BCAR3: variants seen among roughly 807,000 people sequenced by gnomAD.
BCAR3 encodes the protein BCAR3 adaptor protein, NSP family member.
Under a neutral mutation model 80.1 loss-of-function variants are expected in BCAR3, and 37 were observed. That is an observed-to-expected ratio of 0.46 (90% CI 0.36 to 0.61). BCAR3 has a LOEUF of 0.61. BCAR3 is among the 20% of genes least tolerant of loss of function. BCAR3 has a pLI of 0.00. For missense variants in BCAR3, 978 were observed against 1,068.2 expected (o/e 0.92, Z 1.18); for synonymous variants, 389 against 418.9 (o/e 0.93, Z 0.87).
rs1437142951 is a variant in BCAR3, at chr1:93,582,579, T to G, written c.1408A>C (p.Asn470His). The G allele has an allele frequency of 6.2e-7, 1 of 1,613,554 alleles. No individual in the cohort carries two copies. The highest frequency in any genetic ancestry group is 1.7e-5 in the Admixed American group (1 of 59,906). The change falls in exon 7 of 12, where the codon AAC becomes CAC. Residue 470 changes from asparagine (N) to histidine (H), a missense_variant. Physicochemically the swap from Asn to His is moderately conservative, Grantham distance 68 (BLOSUM62 1). Coordinates refer to ENST00000260502, the MANE Select transcript of BCAR3 (RefSeq NM_003567.4). ...AGGATCAAGTAGTTGACGCCAGAGT[T>G]CCGGGGACCTGGCGCCTCATTCTGC... is the stretch of plus-strand genomic sequence containing the variant. Reference protein sequence around the residue: ...AKQNEAPGPRNSGVNYLILDD... With the variant: ...AKQNEAPGPRHSGVNYLILDD...
chr1:93,696,854 C>G lies in BCAR3; in HGVS notation c.-12+9238G>C, dbSNP rs1470702090. ...CTTTTGGCTCTGGGTTGGCACTTCT[C>G]AAGCGTGTTCCTGTGTTACTTTCCA... On this transcript the variant is annotated intron_variant, in intron 3 of 13. Transcript: ENST00000370244. Among the ~76,000 whole-genome samples the G allele has an allele frequency of 2.0e-5, 3 of 152,276 alleles. No individual in the cohort carries two copies. In the East Asian group the frequency reaches 5.8e-4, roughly 29 times the overall value.
intron 2 of BCAR3, among the ~76,000 whole-genome samples, chr1:93,822,918 A>C (rs1245414253): frequency 4.4e-5 from 4 of 90,330 alleles, no homozygotes; most frequent in Non-Finnish European, 1.1e-4. Context: ...TCTCAGAGGC[A>C]ACCATGGAAA....
chr1:93,749,886 C>CTTTTTTTTTTTT (rs754541949), intron 2 of BCAR3, among the ~76,000 whole-genome samples: 2 of 140,400 alleles, frequency 1.4e-5, no homozygotes, highest in African/African-American at 2.7e-5. Context: ...ATGATCTTGA[C>CTTTTTTTTTTTT]TTATTTTTTT....
chr1:93,727,228 C>T (rs1373943944), intron 2 of BCAR3, among the ~76,000 whole-genome samples: 1 of 152,160 alleles, frequency 6.6e-6, no homozygotes, highest in Admixed American at 6.5e-5. Flanking sequence ...CCAGATGATG[C>T]ATTAATTTGG....
chr1:93,601,789 G>A (rs1231942384), intron 3 of BCAR3, among the ~76,000 whole-genome samples: 1 of 152,200 alleles, frequency 6.6e-6, no homozygotes, highest in East Asian at 1.9e-4. Flanking sequence ...ATAAAAAGAG[G>A]AGGTGGGGAG....
At chr1:93,575,374 C>T (rs545759089) in intron 8 of BCAR3, among the ~76,000 whole-genome samples, 2 of 152,180 alleles carry the variant, frequency 1.3e-5, no homozygotes, top group Non-Finnish European at 2.9e-5. Context: ...TAGTCTAGAG[C>T]TTCTTTTCTT....
intron 2 of BCAR3, among the ~76,000 whole-genome samples, chr1:93,842,380 G>A (rs1654992385): frequency 6.6e-6 from 1 of 151,988 alleles, no homozygotes; most frequent in Non-Finnish European, 1.5e-5. Context: ...TCGACCTCCT[G>A]AGCTCAGGCA....
chr1:93,612,162 C>A (rs1271820360), intron 3 of BCAR3, among the ~76,000 whole-genome samples: 2 of 152,136 alleles, frequency 1.3e-5, no homozygotes, highest in East Asian at 3.8e-4. Flanking sequence ...CAAAACAAAA[C>A]AGGGAGACTC....
At chr1:93,684,068 A>G (rs1423194589), upstream of BCAR3, among the ~76,000 whole-genome samples, 1 of 152,168 alleles carries the variant, frequency 6.6e-6, no homozygotes, top group Non-Finnish European at 1.5e-5. Context: ...TTTGTGGGTT[A>G]GTCTTTATCC....
At chr1:93,799,069 T>C (rs1048630362) in intron 2 of BCAR3, among the ~76,000 whole-genome samples, 1 of 152,132 alleles carries the variant, frequency 6.6e-6, no homozygotes, top group Non-Finnish European at 1.5e-5. Flanking sequence ...GAAGTACATA[T>C]ATAGTCAAGG....
At chr1:93,735,681 C>A (rs992445719) in intron 2 of BCAR3, among the ~76,000 whole-genome samples, 3 of 152,152 alleles carry the variant, frequency 2.0e-5, no homozygotes, top group Non-Finnish European at 2.9e-5. Context: ...TCTTTACAGG[C>A]CCATGAAAAG....
intron 7 of BCAR3, among the ~76,000 whole-genome samples, chr1:93,581,906 A>G (rs527736324): frequency 1.3e-5 from 2 of 152,344 alleles, no homozygotes; most frequent in East Asian, 1.9e-4. Flanking sequence ...GGCTTTACCA[A>G]TTCTGATGGA....
chr1:93,567,865 GGT>G lies in BCAR3; in HGVS notation c.1975-16_1975-15del. On this transcript the variant is annotated splice_polypyrimidine_tract_variant and intron_variant, in intron 9 of 11. Transcript: ENST00000260502. ...TAACCTTGTGATCTGGAAGAAAGGT[GGT>G]GTTTTGGAAAAGGTTCTTTTTAAAA... 1.2e-6 allele frequency: 2 copies of G among 1,602,488 alleles called. No homozygotes were observed. The highest frequency in any genetic ancestry group is 1.7e-6 in the Non-Finnish European group (2 of 1,169,472).
intron 2 of BCAR3, among the ~76,000 whole-genome samples, chr1:93,706,565 A>G (rs2102629): frequency 0.53 from 80,775 of 151,920 alleles, 23,802 homozygotes; most frequent in Non-Finnish European, 0.64. Context: ...TGGCCCCATC[A>G]CTTACAAAGA....
In BCAR3 at chr1:93,592,597, G is replaced by T. The variant is rs1674259081; in HGVS notation, c.358-204C>A. The stretch of plus-strand genomic sequence containing the variant: ...GTAATAAAATTTTCACCTGCACATG[G>T]GGACTATGGTAGGAGAGTCCACCAA... On this transcript the variant is annotated intron_variant, in intron 3 of 11. Transcript: ENST00000260502. This position sits in a 1 kb window ranked among gnomAD's most constrained non-coding sequence, Gnocchi z 4.8. 20 of 591,444 alleles carry T rather than the reference G, an allele frequency of 3.4e-5. No individual in the cohort carries two copies. The South Asian group carries it at 4.3e-4, about 13-fold the overall frequency. The allele number at this position is 591,444 out of a possible 1,614,324, so 36.6% of individuals were successfully genotyped here. A position where few individuals can be genotyped will look rare whatever the true frequency, so the allele number is the denominator to read the frequency against.
In BCAR3 at chr1:93,651,236, C is replaced by T. The variant is rs1237078356; in HGVS notation, c.318-8893G>A. ...TGTATGGAAGAAGGAGCAAATATTCCGTTTAGGCACAGCCAGAGGGACCTA... is the reference window on the plus strand; with the variant it reads ...TGTATGGAAGAAGGAGCAAATATTCTGTTTAGGCACAGCCAGAGGGACCTA... On this transcript the variant is annotated intron_variant, in intron 2 of 11. Coordinates refer to ENST00000260502, the MANE Select transcript of BCAR3 (RefSeq NM_003567.4). Among the ~76,000 whole-genome samples the T allele has an allele frequency of 2.6e-5, 4 of 152,152 alleles. No homozygotes were observed. In the South Asian group the frequency reaches 6.2e-4, roughly 24 times the overall value.
chr1:93,836,170 G>A (rs1269388318), intron 2 of BCAR3, among the ~76,000 whole-genome samples: 1 of 152,118 alleles, frequency 6.6e-6, no homozygotes, highest in Non-Finnish European at 1.5e-5. Flanking sequence ...ATGCTACAGG[G>A]TACAGCCCAT....
intron 3 of BCAR3, among the ~76,000 whole-genome samples, chr1:93,688,020 A>G (rs1649035591): frequency 6.6e-6 from 1 of 152,384 alleles, no homozygotes; most frequent in Admixed American, 6.5e-5. Context: ...CAACACTGAT[A>G]TGGACCAGAA....
At chr1:93,578,677 GCGTTTCC>G (rs1673566310) in intron 7 of BCAR3, among the ~76,000 whole-genome samples, 1 of 152,150 alleles carries the variant, frequency 6.6e-6, no homozygotes, top group African/African-American at 2.4e-5. Flanking sequence ...CCCCTGCAGG[GCGTTTCC>G]CACCTGGGTT....
Sources: allele counts gnomAD v4.1 joint callset (sites outside exome capture counted in the v4.1 genomes callset), GRCh38; gene constraint gnomAD v4.1.1; non-coding constraint Gnocchi (gnomAD v3.1); transcripts MANE v1.5; gene names NCBI Gene and HGNC (gene_info 2026-07-23, HGNC 2026-07-21).